Variants in PDE8B observed in about 807,000 individuals in gnomAD.
PDE8B encodes phosphodiesterase 8B.
PDE8B carries 26 observed loss-of-function variants against 101.3 expected under a neutral mutation model. That is an observed-to-expected ratio of 0.26 (90% CI 0.19 to 0.36). PDE8B has a LOEUF of 0.36. Ranked by LOEUF, PDE8B falls within the 10% of genes least tolerant of loss-of-function variation. The probability of loss-of-function intolerance (pLI) is 1.00; values close to 1 mark genes in which losing one functional copy is unlikely to be tolerated. For missense variants in PDE8B, 810 were observed against 1,163.1 expected, an observed-to-expected ratio of 0.70 and a Z score of 4.42; for synonymous variants, 424 against 429.3, an observed-to-expected ratio of 0.99 and a Z score of 0.15.
At chr5:77,187,922 T>C in the PDE8B span, among the ~76,000 whole-genome samples, 2 of 152,222 alleles carry the variant, frequency 1.3e-5, no homozygotes, top group African/African-American at 2.4e-5. Context: ...GGTCAGGACA[T>C]TACTAAGAAA....
At chr5:77,236,814 G>A (rs1754790390) in intron 1 of PDE8B, among the ~76,000 whole-genome samples, 1 of 151,972 alleles carries the variant, frequency 6.6e-6, no homozygotes, top group African/African-American at 2.4e-5. Flanking sequence ...GTTGGATGAT[G>A]GTATTGTTTG....
chr5:77,154,465 G>A, the PDE8B span, among the ~76,000 whole-genome samples: 1 of 152,234 alleles, frequency 6.6e-6, no homozygotes, highest in African/African-American at 2.4e-5. Flanking sequence ...GAGACTGAGT[G>A]ACCTACCTAA....
intron 5 of PDE8B, among the ~76,000 whole-genome samples, chr5:77,332,295 T>C (rs1309062115): frequency 6.6e-6 from 1 of 152,212 alleles, no homozygotes; most frequent in Non-Finnish European, 1.5e-5. Flanking sequence ...ATTACTCCTA[T>C]GTAAAAAGTA....
intron 1 of PDE8B, among the ~76,000 whole-genome samples, chr5:77,274,399 C>T (rs1763421530): frequency 6.6e-6 from 1 of 152,156 alleles, no homozygotes; most frequent in South Asian, 2.1e-4. Context: ...TGCTGCCTTC[C>T]TGCGGACCCA....
chr5:77,167,532 G>A, the PDE8B span, among the ~76,000 whole-genome samples: 1 of 152,168 alleles, frequency 6.6e-6, no homozygotes, highest in Admixed American at 6.5e-5. Context: ...ACTTTCCAGG[G>A]CACGTCGATG....
At chr5:77,205,900 T>G (rs1320728747), upstream of PDE8B, among the ~76,000 whole-genome samples, 1 of 152,194 alleles carries the variant, frequency 6.6e-6, no homozygotes, top group African/African-American at 2.4e-5. Context: ...GTTTGATGGT[T>G]GAATTATCTC....
Position 77,210,693 on chromosome 5 carries a change from C to A in PDE8B, c.-233C>A. The A allele has an allele frequency of 5.1e-6, 5 of 980,434 alleles. No individual in the cohort carries two copies. The South Asian group carries it at 2.4e-4, about 46-fold the overall frequency. The allele number at this position is 980,434 out of a possible 1,614,324, so 60.7% of individuals were successfully genotyped here. The stretch of plus-strand genomic sequence containing the variant: ...GCGCGGGGCGCTGTGTATGCGCGCT[C>A]CCCCGCTCGGGGAGGAAGATGGCCC... On this transcript the variant is annotated 5_prime_UTR_variant, in exon 1 of 22. Transcript: ENST00000264917. The surrounding 1 kb of genome is among the most constrained non-coding windows in gnomAD (Gnocchi z 4.9).
At chr5:77,192,824 C>T in the PDE8B span, among the ~76,000 whole-genome samples, 1 of 152,114 alleles carries the variant, frequency 6.6e-6, no homozygotes, top group African/African-American at 2.4e-5. Flanking sequence ...TCCAGTTGTT[C>T]TATATCTTGC....
At chr5:77,386,410 C>CT (rs2150863800) in intron 10 of PDE8B, among the ~76,000 whole-genome samples, 1 of 152,250 alleles carries the variant, frequency 6.6e-6, no homozygotes. Context: ...GTGTGGGAGT[C>CT]TAAGTCTCTT....
intron 6 of PDE8B, 73 bp downstream of exon 6, chr5:77,337,388 G>A (rs1020198994): frequency 8.7e-6 from 7 of 803,796 alleles, no homozygotes; most frequent in East Asian, 7.8e-5. Flanking sequence ...ACAGGCTGAT[G>A]TTCAGGGGTT....
chr5:77,145,600 T>C, the PDE8B span: 6 of 152,148 alleles, frequency 3.9e-5, no homozygotes, highest in Admixed American at 3.9e-4. Context: ...GGAAGCTTAA[T>C]TGAGTTATCT....
At position 77,419,887 on chromosome 5, in the gene PDE8B, G is replaced by GGT; in HGVS notation, c.2250+2_2250+3dup. 6.2e-7 allele frequency: 1 copy of GGT among 1,613,960 alleles called. No individual in the cohort carries two copies. Among genetic ancestry groups the GGT allele is most frequent in the Non-Finnish European group, 8.5e-7 (1 of 1,179,900 alleles). On this transcript the variant is annotated frameshift_variant and splice_region_variant. Transcript: ENST00000264917. LOFTEE classifies it high-confidence loss of function. ...GCATCAACAAGCCAATGGCAGCTGA[G>GGT]GTGAGTACTGCTTTCCATGCCATAA...
Position 77,318,412 on chromosome 5 carries a change from T to C in PDE8B, c.399+6359T>C, listed in dbSNP as rs1774311567. 2.0e-5 allele frequency among the ~76,000 whole-genome samples: 3 copies of C among 152,226 alleles called. No individual in the cohort carries two copies. In the South Asian group the frequency reaches 6.2e-4, roughly 32 times the overall value. On this transcript the variant is annotated intron_variant, in intron 2 of 21. Coordinates refer to ENST00000264917, the MANE Select transcript of PDE8B (RefSeq NM_003719.5). ...ATGGTGCTGAGAGATAGTAAGTTACTTAACATAGTGATTACAAAGGCCCTG... is the reference window on the plus strand; with the variant it reads ...ATGGTGCTGAGAGATAGTAAGTTACCTAACATAGTGATTACAAAGGCCCTG...
At position 77,408,888 on chromosome 5, in the gene PDE8B, GT is replaced by G; in HGVS notation, c.1366-3del. 1.2e-6 allele frequency: 2 copies of G among 1,609,978 alleles called. No individual in the cohort carries two copies. Among genetic ancestry groups the G allele is most frequent in the Non-Finnish European group, 1.7e-6 (2 of 1,176,260 alleles). On this transcript the variant is annotated splice_polypyrimidine_tract_variant and splice_region_variant and intron_variant, in intron 13 of 21. Coordinates refer to ENST00000264917, the MANE Select transcript of PDE8B (RefSeq NM_003719.5). ...CTCAGATGTATTCTTTCTTCACTCC[GT>G]TAGGTTATAAATATAATCAATGCAG...
chr5:77,290,675 T>C (rs1384235722), intron 1 of PDE8B: 1 of 1,506,266 alleles, frequency 6.6e-7, no homozygotes, highest in East Asian at 2.3e-5. Context: ...CAAGGATGAT[T>C]GGAGGACCTA....
chr5:77,239,159 C>T (rs1253978161), intron 1 of PDE8B, among the ~76,000 whole-genome samples: 3 of 152,186 alleles, frequency 2.0e-5, no homozygotes, highest in Non-Finnish European at 4.4e-5. Context: ...GATTATAAGA[C>T]TTTGTATCTT....
intron 1 of PDE8B, among the ~76,000 whole-genome samples, chr5:77,256,611 G>A (rs1759231356): frequency 6.6e-6 from 1 of 152,154 alleles, no homozygotes; most frequent in African/African-American, 2.4e-5. Flanking sequence ...ATGAGGAAGA[G>A]AAACTAAATA....
the PDE8B span, among the ~76,000 whole-genome samples, chr5:77,136,695 T>C: frequency 1.3e-5 from 2 of 152,180 alleles, no homozygotes; most frequent in Non-Finnish European, 2.9e-5. Flanking sequence ...AATTGATGTC[T>C]GGAGAGAAGA....
At chr5:77,279,371 T>C (rs1345979987) in intron 1 of PDE8B, among the ~76,000 whole-genome samples, 3 of 152,222 alleles carry the variant, frequency 2.0e-5, no homozygotes, top group African/African-American at 7.2e-5. Flanking sequence ...GTCCTTTTAG[T>C]CCCACTAGAG....
Sources: gnomAD v4.1 joint callset for allele counts (sites outside exome capture counted in the v4.1 genomes callset) on GRCh38, gnomAD v4.1.1 for gene constraint, Gnocchi (gnomAD v3.1) non-coding constraint, MANE v1.5 for transcripts, NCBI Gene and HGNC (gene_info 2026-07-23, HGNC 2026-07-21) for gene names.